TTLL1: variants seen among roughly 807,000 people sequenced by gnomAD.
TTLL1 encodes TTL family tubulin polyglutamylase complex subunit L1, also known as polyglutamylase complex subunit TTLL1.
A neutral mutation model predicts 47.8 loss-of-function variants in TTLL1; 33 were observed. That is an observed-to-expected ratio of 0.69 (90% confidence interval 0.52 to 0.92). TTLL1 has a LOEUF of 0.92. Ranked by LOEUF, TTLL1 falls within the 40% of genes least tolerant of loss-of-function variation. TTLL1 has a pLI of 0.00. For synonymous variants in TTLL1, 225 were observed against 214.1 expected (o/e 1.05, Z -0.45); for missense variants, 488 against 547.5 (o/e 0.89, Z 1.08).
intron 1 of TTLL1, among the ~76,000 whole-genome samples, chr22:43,085,942 C>T (rs62231654): frequency 0.019 from 2,886 of 152,250 alleles, 43 homozygotes; most frequent in Non-Finnish European, 0.032. Context: ...GTTCTCATGT[C>T]GGGCACGCAG....
At chr22:43,086,972 G>A (rs1458670001) in intron 1 of TTLL1, among the ~76,000 whole-genome samples, 1 of 152,112 alleles carries the variant, frequency 6.6e-6, no homozygotes, top group East Asian at 1.9e-4. Context: ...TGCAGATCTG[G>A]ACCATCACCT....
intron 2 of TTLL1, among the ~76,000 whole-genome samples, chr22:43,079,529 G>T (rs1051393087): frequency 1.3e-5 from 2 of 152,214 alleles, no homozygotes; most frequent in Non-Finnish European, 2.9e-5. Context: ...AATCCTGCTT[G>T]CGGCCTGGGG....
rs146931681 is a variant in TTLL1 at position 43,072,314 on chromosome 22, C to T, written c.114-2470G>A. 2.4e-3 allele frequency among the ~76,000 whole-genome samples: 362 copies of T among 151,942 alleles called. 2 individuals are homozygous for T. The highest frequency in any genetic ancestry group is 8.4e-3 in the African/African-American group (348 of 41,440). The stretch of plus-strand genomic sequence containing the variant: ...GACTACCGGCACTCGCCACCACGCC[C>T]GGATAATTTTTTTGTATTTTTAGTA... On this transcript the variant is annotated intron_variant, in intron 3 of 10. Transcript: ENST00000266254.
intron 8 of TTLL1, among the ~76,000 whole-genome samples, chr22:43,057,789 C>T (rs1249999536): frequency 6.6e-6 from 1 of 151,980 alleles, no homozygotes; most frequent in East Asian, 1.9e-4. Flanking sequence ...TCCTGCCCCT[C>T]CCTCATAGGT....
intron 7 of TTLL1, among the ~76,000 whole-genome samples, 178 bp downstream of exon 7, chr22:43,063,634 AT>A (rs953188807): frequency 8.4e-4 from 122 of 144,420 alleles, no homozygotes; most frequent in East Asian, 1.2e-3. Flanking sequence ...TAATTTCCGT[AT>A]TTTTTTTTTT....
chr22:43,071,241 C>T (rs1928100212), intron 3 of TTLL1, among the ~76,000 whole-genome samples: 1 of 151,958 alleles, frequency 6.6e-6, no homozygotes, highest in Non-Finnish European at 1.5e-5. Context: ...TCTATAGGGA[C>T]AAGCTTCCCT....
intron 6 of TTLL1, 123 bp downstream of exon 6, chr22:43,064,067 T>G (rs1294738346): frequency 1.7e-5 from 26 of 1,510,616 alleles, no homozygotes; most frequent in Non-Finnish European, 2.2e-5. Flanking sequence ...CTTCCCTCAA[T>G]CCCTGCCCCG....
intron 5 of TTLL1, among the ~76,000 whole-genome samples, chr22:43,066,158 C>CAAAAA: frequency 1.1e-5 from 1 of 93,484 alleles, no homozygotes; most frequent in South Asian, 3.4e-4. Flanking sequence ...GACACTGTCT[C>CAAAAA]AAAAAAAAAA....
intron 7 of TTLL1, among the ~76,000 whole-genome samples, chr22:43,060,634 G>C (rs1387729846): frequency 1.3e-5 from 2 of 152,200 alleles, no homozygotes; most frequent in Non-Finnish European, 2.9e-5. Flanking sequence ...TTCCTCCTGG[G>C]CTGGGATGGG....
intron 7 of TTLL1, among the ~76,000 whole-genome samples, chr22:43,060,826 C>G (rs1201519492): frequency 6.6e-6 from 1 of 152,184 alleles, no homozygotes; most frequent in Non-Finnish European, 1.5e-5. Flanking sequence ...GAACCATGAA[C>G]TAAAACAAAA....
At chr22:43,040,860 A>G (rs1285145746) in intron 10 of TTLL1, among the ~76,000 whole-genome samples, 2 of 152,224 alleles carry the variant, frequency 1.3e-5, no homozygotes, top group Admixed American at 1.3e-4. Context: ...GAAGAGCTGG[A>G]TGCCAGCTGC....
intron 8 of TTLL1, among the ~76,000 whole-genome samples, chr22:43,056,881 C>G (rs1927051579): frequency 6.6e-5 from 10 of 152,186 alleles, no homozygotes; most frequent in Admixed American, 6.6e-4. Flanking sequence ...TACCCTCAAA[C>G]TCCTGGACTC....
At chr22:43,071,122 GC>G (rs1928093949) in intron 3 of TTLL1, among the ~76,000 whole-genome samples, 1 of 151,924 alleles carries the variant, frequency 6.6e-6, no homozygotes. Context: ...TTGCCATGTT[GC>G]CCAGGCTGGT....
chr22:43,070,104 A>C (rs1928016032), intron 3 of TTLL1: 1 of 1,353,758 alleles, frequency 7.4e-7, no homozygotes, highest in African/African-American at 1.5e-5. Context: ...GCAGGCACTC[A>C]ATAGATGTTT....
intron 2 of TTLL1, among the ~76,000 whole-genome samples, chr22:43,077,788 C>T (rs1928604755): frequency 6.6e-6 from 1 of 152,192 alleles, no homozygotes; most frequent in South Asian, 2.1e-4. Flanking sequence ...GGCATCTGGC[C>T]TGTACAATTC....
intron 1 of TTLL1, among the ~76,000 whole-genome samples, chr22:43,088,827 C>T (rs548633439): frequency 6.6e-6 from 1 of 152,288 alleles, no homozygotes; most frequent in African/African-American, 2.4e-5. Context: ...CCCGCCCTGC[C>T]CTCTTAGCTG....
rs756707702 is a variant in TTLL1 at position 43,069,755 on chromosome 22, T to C, written c.203A>G (p.His68Arg). 2 of 1,614,156 alleles carry C rather than the reference T, an allele frequency of 1.2e-6. No individual in the cohort carries two copies. The highest frequency in any genetic ancestry group is 1.1e-5 in the South Asian group (1 of 91,082). The stretch of plus-strand genomic sequence containing the variant: ...CAGGTCCTTCCGGGTCAGTTCATAG[T>C]GGTTTGGAAAATGGTTGACTATTTG... ...DDQIVNHFPN[H>R]YELTRKDLMV... Residue 68 changes from histidine to arginine, a missense_variant, in exon 4 of 11, where the codon CAC (histidine) becomes CGC (arginine). His to Arg is a conservative substitution (Grantham distance 29). Transcript: ENST00000266254.
rs1928008298 is a variant in TTLL1 at position 43,069,952 on chromosome 22, C to G, written c.114-108G>C. On this transcript the variant is annotated intron_variant, in intron 3 of 10. Transcript: ENST00000266254. ...GAACCCTCAGCACCCTTCACCACTA[C>G]TCCCACATCCCCTGGCACCTGAGCC... 2.7e-6 allele frequency: 4 copies of G among 1,468,350 alleles called. No homozygotes were observed. The Admixed American group carries it at 8.7e-5, about 32-fold the overall frequency. The allele number at this position is 1,468,350 out of a possible 1,614,324, so 91.0% of individuals were successfully genotyped here.
At chr22:43,081,664 C>T (rs1928897057) in intron 1 of TTLL1, among the ~76,000 whole-genome samples, 1 of 151,370 alleles carries the variant, frequency 6.6e-6, no homozygotes. Context: ...TTCTCTGCCT[C>T]AGCCTCCCAA....
Sources: gnomAD v4.1 joint callset for allele counts (sites outside exome capture counted in the v4.1 genomes callset) on GRCh38, gnomAD v4.1.1 for gene constraint, MANE v1.5 for transcripts, NCBI Gene and HGNC (gene_info 2026-07-23, HGNC 2026-07-21) for gene names.